NDUFA7: variants seen among roughly 807,000 people sequenced by gnomAD.
NDUFA7 encodes NADH dehydrogenase [ubiquinone] 1 alpha subcomplex subunit 7.
In NDUFA7, 18 loss-of-function variants were observed where a neutral mutation model predicts 14.2. That is an observed-to-expected ratio of 1.27 (90% confidence interval 0.88 to 1.88). The LOEUF (loss-of-function observed/expected upper bound fraction) is 1.88, where lower values mean the gene tolerates loss of function less well. NDUFA7 is among the 40% of genes most tolerant of loss of function. The pLI is 0.00. For synonymous variants in NDUFA7, 75 were observed against 62.1 expected, an observed-to-expected ratio of 1.21 and a Z score of -0.98; for missense variants, 172 against 147.3, an observed-to-expected ratio of 1.17 and a Z score of -0.87.
rs541013543 is a variant in NDUFA7 at position 8,316,452 on chromosome 19, G to A, written c.251+44C>T. 6 of 1,604,326 alleles carry A rather than the reference G, an allele frequency of 3.7e-6. No individual in the cohort carries two copies. In the South Asian group the frequency reaches 4.4e-5, roughly 12 times the overall value. On this transcript the variant is annotated intron_variant, in intron 3 of 3. Transcript: ENST00000301457. ...AGTTGGGAGACAGAGTGGGTTGCAGGAGGGGGCATGGGGGCTGTGGTGAGC... is the reference window on the plus strand; with the variant it reads ...AGTTGGGAGACAGAGTGGGTTGCAGAAGGGGGCATGGGGGCTGTGGTGAGC...
intron 2 of NDUFA7, among the ~76,000 whole-genome samples, chr19:8,319,923 G>C (rs1381918398): frequency 6.6e-6 from 1 of 152,066 alleles, no homozygotes; most frequent in Non-Finnish European, 1.5e-5. Context: ...TCAGCTCACT[G>C]CAATATCCAC....
chr19:8,313,472 C>T (rs746748885), intron 3 of NDUFA7, among the ~76,000 whole-genome samples: 16 of 152,126 alleles, frequency 1.1e-4, no homozygotes, highest in Non-Finnish European at 1.3e-4. Flanking sequence ...CCTGGTGATC[C>T]GCCCTCCCCG....
In NDUFA7 at chr19:8,321,346, T is replaced by C. The variant is rs781196681; in HGVS notation, c.13A>G (p.Thr5Ala). 1.3e-6 allele frequency: 2 copies of C among 1,576,614 alleles called. No individual in the cohort carries two copies. Among genetic ancestry groups the C allele is most frequent in the African/African-American group, 1.3e-5 (1 of 74,400 alleles). The change falls in exon 1 of 4, where the codon ACC becomes GCC. Residue 5 changes from threonine (T) to alanine (A), a missense_variant. Transcript: ENST00000301457. MASA[T>A]RLIQRLRNWA... is the part of the protein sequence containing the mutation. ...TTCCGCAGCCGCTGGATGAGACGGG[T>C]GGCGGACGCCATCTTCCGTCCGCGA...
In NDUFA7 at chr19:8,319,091, T is replaced by C. The variant is rs149077741; in HGVS notation, c.101+1766A>G. On this transcript the variant is annotated intron_variant, in intron 2 of 3. Transcript: ENST00000301457. ...CTCAACTGGCCCACAACTACCCTGATAGAAAGCCAACTAGGGGGGTCGGGG... is the reference window on the plus strand; with the variant it reads ...CTCAACTGGCCCACAACTACCCTGACAGAAAGCCAACTAGGGGGGTCGGGG... Among the ~76,000 whole-genome samples the C allele has an allele frequency of 2.6e-4, 34 of 130,884 alleles. 2 individuals are homozygous for C. The highest frequency in any genetic ancestry group is 4.0e-4 in the African/African-American group (14 of 34,806). The allele number at this position is 130,884 out of a possible 152,430, so 85.9% of individuals were successfully genotyped here. A position where few individuals can be genotyped will look rare whatever the true frequency, so the allele number is the denominator to read the frequency against.
rs1046174490 is a variant in NDUFA7 at position 8,311,605 on chromosome 19, G to C, written c.252-10C>G. On this transcript the variant is annotated splice_polypyrimidine_tract_variant and intron_variant, in intron 3 of 3. Transcript: ENST00000301457. Reference sequence around the variant, plus strand: ...GGCAGCTACAGCAGAGCTGGAGGAGGGAAAGACTTCAGTGAGGGTTTCCAA... The same window carrying C: ...GGCAGCTACAGCAGAGCTGGAGGAGCGAAAGACTTCAGTGAGGGTTTCCAA... The C allele has an allele frequency of 7.5e-6, 12 of 1,609,504 alleles. No individual in the cohort carries two copies.
downstream of NDUFA7, among the ~76,000 whole-genome samples, chr19:8,309,253 T>A (rs1970145642): frequency 1.3e-5 from 2 of 151,924 alleles, no homozygotes; most frequent in Admixed American, 1.3e-4. Context: ...GGCAGGCGGA[T>A]CACGAGGTCA....
chr19:8,310,029 C>CCT (rs1970156369), downstream of NDUFA7, among the ~76,000 whole-genome samples: 1 of 152,204 alleles, frequency 6.6e-6, no homozygotes, highest in African/African-American at 2.4e-5. Context: ...CCCTTACTGT[C>CCT]CTCTGCCTTC....
chr19:8,320,875 T>A lies in NDUFA7; in HGVS notation c.83A>T (p.Tyr28Phe), dbSNP rs1186655711. 6.2e-7 allele frequency: 1 copy of A among 1,613,668 alleles called. No homozygotes were observed. Among genetic ancestry groups the A allele is most frequent in the East Asian group, 2.2e-5 (1 of 44,880 alleles). Residue 28 changes from tyrosine (Y) to phenylalanine (F), a missense_variant, in exon 2 of 4, where the codon TAC (tyrosine) becomes TTC (phenylalanine). Tyr to Phe is a conservative substitution (Grantham distance 22). Transcript: ENST00000301457. ...HDLQGKLQLR[Y>F]QEISKRTQPP... ...TGCTCACCGCTTGGAGATCTCCTGG[T>A]AGCGTAGCTGCAGCTTCCCCTGCAG...
intron 2 of NDUFA7, 23 bp downstream of exon 2, chr19:8,320,834 G>C (rs1599634425): frequency 1.2e-6 from 2 of 1,613,630 alleles, no homozygotes. Flanking sequence ...CCAGAGGCTG[G>C]GCAGCGAGCG....
chr19:8,319,223 A>T (rs1970271890), intron 2 of NDUFA7: 2 of 152,084 alleles, frequency 1.3e-5, no homozygotes, highest in African/African-American at 2.4e-5. Flanking sequence ...TGGCACGTTT[A>T]CCTTTGTAAC....
rs932850106 is a variant in NDUFA7, at chr19:8,321,252, C to A, written c.51+56G>T. The A allele has an allele frequency of 2.7e-6, 4 of 1,487,968 alleles. No individual in the cohort carries two copies. The African/African-American group carries it at 4.2e-5, about 16-fold the overall frequency. The allele number at this position is 1,487,968 out of a possible 1,614,324, so 92.2% of individuals were successfully genotyped here. On this transcript the variant is annotated intron_variant, in intron 1 of 3. Transcript: ENST00000301457. The stretch of plus-strand genomic sequence containing the variant: ...AGGGAGGTGAGGAGCAGGAGCGGGT[C>A]CCGGACACACGGAGCCCGAAGCCCC...
chr19:8,317,944 A>T (rs1970254905), intron 2 of NDUFA7, among the ~76,000 whole-genome samples: 1 of 152,158 alleles, frequency 6.6e-6, no homozygotes, highest in African/African-American at 2.4e-5. Context: ...AAGTGCTGGG[A>T]TTACAGGCGT....
chr19:8,321,335 G>C lies in NDUFA7; in HGVS notation c.24C>G (p.Ile8Met). The part of the protein sequence containing the change: MASATRL[I>M]QRLRNWASGH... ...CGGACGCCCAGTTCCGCAGCCGCTG[G>C]ATGAGACGGGTGGCGGACGCCATCT... The change falls in exon 1 of 4, where the codon ATC becomes ATG. Residue 8 changes from isoleucine to methionine, a missense_variant. Coordinates refer to ENST00000301457, the MANE Select transcript of NDUFA7 (RefSeq NM_005001.5). 1.9e-6 allele frequency: 3 copies of C among 1,580,266 alleles called. No individual in the cohort carries two copies. The highest frequency in any genetic ancestry group is 2.6e-6 in the Non-Finnish European group (3 of 1,165,732).
chr19:8,319,637 T>C (rs979851523), intron 2 of NDUFA7: 6 of 152,056 alleles, frequency 3.9e-5, no homozygotes, highest in African/African-American at 1.4e-4. Context: ...CATATAGGCA[T>C]TTACATAAAT....
chr19:8,316,585 A>T lies in NDUFA7; in HGVS notation c.162T>A (p.Tyr54Ter), dbSNP rs1159903468. Residue 54 changes from tyrosine (Y) to a stop codon, truncating the protein, a stop_gained, in exon 3 of 4, where the codon TAT becomes TAA. Transcript: ENST00000301457. LOFTEE classifies it high-confidence loss of function. ...ATTCCCGGCGGCCATCGCGAGTGCA[A>T]TAGTAATTGTTGGAGAGCTTGTGGC... Reference protein sequence around the residue: ...GPSHKLSNNYYCTRDGRRESV... With the variant: ...GPSHKLSNNY 1 of 1,614,124 alleles carries T rather than the reference A, an allele frequency of 6.2e-7. No homozygotes were observed. Among genetic ancestry groups the T allele is most frequent in the African/African-American group, 1.3e-5 (1 of 75,044 alleles).
In NDUFA7 at chr19:8,316,644, T is replaced by C; in HGVS notation, c.103A>G (p.Thr35Ala). ...ACAGGGAGCTTGGGAGGAGGCTGAG[T>C]TCTGAGGGGAAAAAAGATGAGCACT... ...QLRYQEISKR[T>A]QPPPKLPVGP... The change falls in exon 3 of 4, where the codon ACT (threonine) becomes GCT (alanine). Residue 35 changes from threonine to alanine, a missense_variant and splice_region_variant. By Grantham distance (58) the Thr-to-Ala change is moderately conservative. Coordinates refer to ENST00000301457, the MANE Select transcript of NDUFA7 (RefSeq NM_005001.5). The C allele has an allele frequency of 6.2e-7, 1 of 1,613,714 alleles. No individual in the cohort carries two copies. The highest frequency in any genetic ancestry group is 8.5e-7 in the Non-Finnish European group (1 of 1,179,812).
intron 3 of NDUFA7, among the ~76,000 whole-genome samples, chr19:8,316,148 CAAAAA>C (rs60161246): frequency 1.2e-5 from 1 of 80,644 alleles, no homozygotes; most frequent in African/African-American, 4.3e-5. Context: ...GACTCCGTCT[CAAAAA>C]AAAAAAAAAA....
intron 2 of NDUFA7, among the ~76,000 whole-genome samples, chr19:8,318,546 A>G (rs1035362893): frequency 4.6e-5 from 7 of 151,614 alleles, no homozygotes; most frequent in African/African-American, 1.7e-4. Flanking sequence ...TGTGCCTGTA[A>G]TCCCAGCTAC....
chr19:8,318,699 C>T (rs1218302063), intron 2 of NDUFA7, among the ~76,000 whole-genome samples: 2 of 140,964 alleles, frequency 1.4e-5, no homozygotes, highest in Admixed American at 7.2e-5. Context: ...AAAGGCCAGG[C>T]GCGGTGGCTC....
Sources: allele counts gnomAD v4.1 joint callset (sites outside exome capture counted in the v4.1 genomes callset), GRCh38; gene constraint gnomAD v4.1.1; transcripts MANE v1.5; gene names NCBI Gene and HGNC (gene_info 2026-07-23, HGNC 2026-07-21).